Variants in RHOBTB1 observed in about 807,000 individuals in gnomAD.
The protein encoded by RHOBTB1 is Rho related BTB domain containing 1.
In RHOBTB1, 40 loss-of-function variants were observed where a neutral mutation model predicts 71.6. That is an observed-to-expected ratio of 0.56 (90% CI 0.43 to 0.73). RHOBTB1 has a LOEUF of 0.73. RHOBTB1 is among the 30% of genes least tolerant of loss of function. RHOBTB1 has a pLI of 0.00. For synonymous variants in RHOBTB1, 319 were observed against 334.9 expected, an observed-to-expected ratio of 0.95 and a Z score of 0.52; for missense variants, 797 against 894.0, an observed-to-expected ratio of 0.89 and a Z score of 1.38.
intron 2 of RHOBTB1, among the ~76,000 whole-genome samples, chr10:60,977,178 G>A (rs968096568): frequency 5.9e-5 from 9 of 152,130 alleles, no homozygotes; most frequent in African/African-American, 2.2e-4. Context: ...GTAGTAGATT[G>A]ATATTAGAAG....
At chr10:60,874,754 T>C (rs2080961948) in intron 9 of RHOBTB1, among the ~76,000 whole-genome samples, 200 bp downstream of exon 9, 1 of 152,078 alleles carries the variant, frequency 6.6e-6, no homozygotes, top group African/African-American at 2.4e-5. Flanking sequence ...GTGGGGACCG[T>C]TTTGTTTATT....
chr10:60,967,964 T>C (rs1329795056), intron 2 of RHOBTB1, among the ~76,000 whole-genome samples: 1 of 151,944 alleles, frequency 6.6e-6, no homozygotes, highest in East Asian at 1.9e-4. Flanking sequence ...AGAAAAGGGG[T>C]CTGGTCCTAG....
intron 2 of RHOBTB1, among the ~76,000 whole-genome samples, chr10:60,970,941 A>G (rs796731025): frequency 3.3e-5 from 5 of 152,208 alleles, no homozygotes; most frequent in African/African-American, 1.2e-4. Flanking sequence ...GAATATATGC[A>G]TAACTCACCA....
rs2085096365 is a variant in RHOBTB1 at position 60,944,152 on chromosome 10, C to G, written c.-243G>C. Reference sequence around the variant, plus strand: ...GCAGCATGGCACTGCCTCGCCCTGCCGCCTCGCCCGGCGCCGTGGCCGCTC... The same window carrying G: ...GCAGCATGGCACTGCCTCGCCCTGCGGCCTCGCCCGGCGCCGTGGCCGCTC... On this transcript the variant is annotated 5_prime_UTR_variant, in exon 1 of 11. Coordinates refer to ENST00000337910, the MANE Select transcript of RHOBTB1 (RefSeq NM_014836.5). 1.3e-5 allele frequency: 2 copies of G among 151,942 alleles called. No individual in the cohort carries two copies. The highest frequency in any genetic ancestry group is 2.1e-4 in the South Asian group (1 of 4,822). The allele number at this position is 151,942 out of a possible 1,614,324, so 9.4% of individuals were successfully genotyped here.
At position 60,888,894 on chromosome 10, in the gene RHOBTB1, A is replaced by G. The variant is rs1564815888; in HGVS notation, c.774T>C (p.Cys258=). The part of the protein sequence containing the change: ...CPSMGTNEAA[C]LLDNPLCADV... ...CGGCACATAGAGGATTGTCCAGTAA[A>G]CAGGCAGCTTCATTTGTCCCCATGG... Residue 258 remains cysteine (C), a synonymous_variant, in exon 6 of 11, where the codon TGT becomes TGC. Coordinates refer to ENST00000337910, the MANE Select transcript of RHOBTB1 (RefSeq NM_014836.5). 1.9e-6 allele frequency: 3 copies of G among 1,614,216 alleles called. No individual in the cohort carries two copies. Among genetic ancestry groups the G allele is most frequent in the Non-Finnish European group, 2.5e-6 (3 of 1,180,032 alleles).
At chr10:60,914,119 C>T (rs2083141808) in intron 2 of RHOBTB1, among the ~76,000 whole-genome samples, 1 of 152,086 alleles carries the variant, frequency 6.6e-6, no homozygotes, top group African/African-American at 2.4e-5. Flanking sequence ...AGCAGTAACT[C>T]ACTGAAAATT....
At chr10:60,976,067 C>T (rs2086304544) in intron 2 of RHOBTB1, among the ~76,000 whole-genome samples, 1 of 151,842 alleles carries the variant, frequency 6.6e-6, no homozygotes, top group Admixed American at 6.6e-5. Context: ...AATGATATAT[C>T]CAATTTAGAA....
At chr10:60,889,275 A>G in intron 5 of RHOBTB1, 90 bp from the exon 6 acceptor site, 1 of 1,306,060 alleles carries the variant, frequency 7.7e-7, no homozygotes, top group Non-Finnish European at 1.0e-6. Context: ...ATGGAACTAT[A>G]CACTGAAAAC....
At chr10:60,946,163 G>A (rs1180824185), upstream of RHOBTB1, among the ~76,000 whole-genome samples, 2 of 148,138 alleles carry the variant, frequency 1.4e-5, no homozygotes, top group African/African-American at 5.0e-5. Flanking sequence ...GGGCGACAGA[G>A]CAAGACTCCT....
the RHOBTB1 span, among the ~76,000 whole-genome samples, chr10:60,862,338 C>T: frequency 6.6e-6 from 1 of 152,078 alleles, no homozygotes; most frequent in Admixed American, 6.5e-5. Context: ...GCTGAGACTA[C>T]AGGTGCCTGC....
chr10:60,992,639 A>G (rs1359901080), intron 1 of RHOBTB1, among the ~76,000 whole-genome samples: 1 of 152,246 alleles, frequency 6.6e-6, no homozygotes. Context: ...CAAATGTTGC[A>G]TAAGATGTTT....
intron 2 of RHOBTB1, among the ~76,000 whole-genome samples, chr10:60,918,314 C>T (rs2083375889): frequency 1.3e-5 from 2 of 152,174 alleles, no homozygotes; most frequent in South Asian, 2.1e-4. Flanking sequence ...CATTTCCCTT[C>T]CTTTGGTGGT....
chr10:60,969,453 G>A (rs1357219625), intron 2 of RHOBTB1, among the ~76,000 whole-genome samples: 2 of 152,090 alleles, frequency 1.3e-5, no homozygotes, highest in Non-Finnish European at 2.9e-5. Context: ...AAGTGAGTAG[G>A]GTGTTGAAGG....
intron 2 of RHOBTB1, among the ~76,000 whole-genome samples, chr10:60,919,056 T>C (rs1361961759): frequency 1.3e-5 from 2 of 152,172 alleles, no homozygotes; most frequent in African/African-American, 4.8e-5. Flanking sequence ...CTATATTTGC[T>C]ATTTCTATCA....
At chr10:60,984,349 C>T (rs1160547383) in intron 2 of RHOBTB1, among the ~76,000 whole-genome samples, 2 of 152,060 alleles carry the variant, frequency 1.3e-5, no homozygotes, top group African/African-American at 4.8e-5. Context: ...ATTGACTTTT[C>T]TAAAATATTG....
intron 2 of RHOBTB1, among the ~76,000 whole-genome samples, chr10:60,981,522 T>G (rs866151748): frequency 6.6e-6 from 1 of 152,122 alleles, no homozygotes; most frequent in Non-Finnish European, 1.5e-5. Context: ...TTAACCAAGA[T>G]TTTTTCCCCC....
chr10:60,936,163 C>T (rs527724553), intron 2 of RHOBTB1, among the ~76,000 whole-genome samples: 169 of 152,252 alleles, frequency 1.1e-3, no homozygotes, highest in Non-Finnish European at 1.6e-3. Context: ...TTCTGACGTA[C>T]GTCTTTGATG....
intron 2 of RHOBTB1, among the ~76,000 whole-genome samples, chr10:60,926,761 G>A (rs921043446): frequency 3.9e-5 from 6 of 152,162 alleles, no homozygotes; most frequent in Admixed American, 2.0e-4. Context: ...CAACAGACTG[G>A]CAGCTAGTAT....
intron 6 of RHOBTB1, among the ~76,000 whole-genome samples, chr10:60,886,720 G>C (rs560019168): frequency 1.3e-4 from 18 of 141,742 alleles, no homozygotes; most frequent in East Asian, 5.0e-4. Context: ...AGAGATGTGG[G>C]GGGGGGTGGG....
Sources: allele counts gnomAD v4.1 joint callset (sites outside exome capture counted in the v4.1 genomes callset), GRCh38; gene constraint gnomAD v4.1.1; transcripts MANE v1.5; gene names NCBI Gene and HGNC (gene_info 2026-07-23, HGNC 2026-07-21).